The following COBLL1 variants were observed in gnomAD, a reference collection of about 807,000 sequenced individuals.
The protein encoded by COBLL1 is cordon-bleu protein-like 1.
Under a neutral mutation model 94.8 loss-of-function variants are expected in COBLL1, and 50 were observed. The observed-to-expected ratio is 0.53, with a 90% CI of 0.42 to 0.67. The LOEUF (loss-of-function observed/expected upper bound fraction) is 0.67. Ranked by LOEUF, COBLL1 falls within the 30% of genes least tolerant of loss-of-function variation. The pLI is 0.00. For synonymous variants in COBLL1, 448 were observed against 473.8 expected (o/e 0.95, Z 0.71); for missense variants, 1,362 against 1,348.7 (o/e 1.01, Z -0.15).
chr2:164,699,267 C>A, intron 11 of COBLL1, 138 bp downstream of exon 11: 1 of 641,540 alleles, frequency 1.6e-6, no homozygotes, highest in Non-Finnish European at 2.9e-6. Flanking sequence ...AATAATAGTA[C>A]CCATAATATC....
chr2:164,731,222 C>T (rs1259832449), intron 3 of COBLL1, among the ~76,000 whole-genome samples: 1 of 152,084 alleles, frequency 6.6e-6, no homozygotes, highest in Non-Finnish European at 1.5e-5. Flanking sequence ...TTTCCTGGCC[C>T]ATGATAGAAA....
intron 11 of COBLL1, chr2:164,697,849 C>T (rs907656188): frequency 1.3e-5 from 2 of 152,018 alleles, no homozygotes; most frequent in East Asian, 3.9e-4. Context: ...TTATAAATGG[C>T]TAGATCATTT....
In COBLL1 at chr2:164,682,642, A is replaced by G. The variant is rs1274904285; in HGVS notation, c.*3304T>C. 6.6e-6 allele frequency: 1 copy of G among 152,222 alleles called. No individual in the cohort carries two copies. Among genetic ancestry groups the G allele is most frequent in the East Asian group, 1.9e-4 (1 of 5,204 alleles). 9.4% of individuals were successfully genotyped at this position (152,222 alleles called of 1,614,324 possible). A position where few individuals can be genotyped will look rare whatever the true frequency, so the allele number is the denominator to read the frequency against. On this transcript the variant is annotated 3_prime_UTR_variant, in exon 14 of 14. Transcript: ENST00000652658. Reference sequence around the variant, plus strand: ...AAAGAATAGGGAGTATATTAGGCAAATAATACCTGTTCACTTATAGTATTG... The same window carrying G: ...AAAGAATAGGGAGTATATTAGGCAAGTAATACCTGTTCACTTATAGTATTG...
At position 164,694,572 on chromosome 2, in the gene COBLL1, A is replaced by G. The variant is rs1683800389; in HGVS notation, c.2820T>C (p.Gly940=). The change falls in exon 12 of 14, where the codon GGT becomes GGC. Residue 940 remains glycine, a synonymous_variant. Transcript: ENST00000652658. ...LVEKTDDDVI[G]QAPAEASPPP... Reference sequence around the variant, plus strand: ...GAGGGGAGGCTTCAGCAGGAGCCTGACCGATGACATCATCATCAGTTTTTT... The same window carrying G: ...GAGGGGAGGCTTCAGCAGGAGCCTGGCCGATGACATCATCATCAGTTTTTT... 1.2e-6 allele frequency: 2 copies of G among 1,613,838 alleles called. No homozygotes were observed. Among genetic ancestry groups the G allele is most frequent in the Non-Finnish European group, 1.7e-6 (2 of 1,179,960 alleles).
chr2:164,816,111 A>G (rs570838359), intron 2 of COBLL1, among the ~76,000 whole-genome samples: 31 of 152,028 alleles, frequency 2.0e-4, no homozygotes, highest in Non-Finnish European at 3.8e-4. Context: ...TTAAAGTATC[A>G]TGAAAGAAAA....
chr2:164,775,145 G>T (rs1021192538), intron 2 of COBLL1, among the ~76,000 whole-genome samples: 9 of 127,354 alleles, frequency 7.1e-5, no homozygotes, highest in African/African-American at 3.3e-4. Context: ...AACAGGAAGA[G>T]ACCCTGCCTC....
chr2:164,772,278 T>C (rs62173943), intron 2 of COBLL1, among the ~76,000 whole-genome samples: 19,412 of 152,004 alleles, frequency 0.13, 1,454 homozygotes, highest in Admixed American at 0.18. Flanking sequence ...ATAAAGTTTC[T>C]TTATCAGCAA....
intron 2 of COBLL1, among the ~76,000 whole-genome samples, chr2:164,768,675 A>T (rs77785873): frequency 6.6e-6 from 1 of 152,120 alleles, no homozygotes; most frequent in East Asian, 1.9e-4. Context: ...TTAGTAAATC[A>T]CTTGATAAAA....
Position 164,694,629 on chromosome 2 carries a change from T to G in COBLL1, c.2763A>C (p.Lys921Asn). The G allele has an allele frequency of 6.2e-7, 1 of 1,613,836 alleles. No individual in the cohort carries two copies. ...SPEQTLSPLS[K>N]MPHSVPQPLV... The stretch of plus-strand genomic sequence containing the variant: ...GGGGTTGTGGAACAGAGTGAGGCAT[T>G]TTACTTAAGGGAGAAAGAGTCTGCT... The change falls in exon 12 of 14, where the codon AAA becomes AAC. Residue 921 changes from lysine (K) to asparagine (N), a missense_variant. Transcript: ENST00000652658.
intron 2 of COBLL1, among the ~76,000 whole-genome samples, chr2:164,804,669 C>A (rs1168848143): frequency 1.3e-5 from 2 of 152,142 alleles, no homozygotes; most frequent in Non-Finnish European, 2.9e-5. Flanking sequence ...TCACTGTATT[C>A]AATGTACAGC....
At chr2:164,726,515 TA>T (rs977138799) in intron 5 of COBLL1, among the ~76,000 whole-genome samples, 1 of 152,010 alleles carries the variant, frequency 6.6e-6, no homozygotes, top group Non-Finnish European at 1.5e-5. Flanking sequence ...AAATAAATAA[TA>T]AAAAAATCAC....
rs777018942 is a variant in COBLL1 at position 164,722,134 on chromosome 2, T to C, written c.937A>G (p.Ile313Val). The change falls in exon 7 of 14, where the codon ATC becomes GTC. Residue 313 changes from isoleucine to valine, a missense_variant. Physicochemically the swap from Ile to Val is conservative, Grantham distance 29. Transcript: ENST00000652658. Reference protein sequence around the residue: ...SQSVPQDLAHIQERPASCIVK... With the variant: ...SQSVPQDLAHVQERPASCIVK... ...ATACAAGAAGCAGGCCTCTCCTGGA[T>C]GTGTGCAAGGTCTTGGGGGACACTC... The C allele has an allele frequency of 5.0e-6, 8 of 1,613,842 alleles. No homozygotes were observed. The highest frequency in any genetic ancestry group is 1.7e-5 in the Admixed American group (1 of 59,984).
chr2:164,754,191 T>C (rs1029171840), intron 2 of COBLL1, among the ~76,000 whole-genome samples: 7 of 152,216 alleles, frequency 4.6e-5, no homozygotes, highest in Non-Finnish European at 1.0e-4. Context: ...TTGGTAATTA[T>C]TGTATGCTGA....
chr2:164,749,104 A>G (rs1687006753), intron 2 of COBLL1, among the ~76,000 whole-genome samples: 1 of 152,148 alleles, frequency 6.6e-6, no homozygotes, highest in South Asian at 2.1e-4. Context: ...AAATAGATAA[A>G]AAGAGGAAAT....
At chr2:164,660,672 GGTT>G (rs1381153450) in intron 2 of COBLL1, among the ~76,000 whole-genome samples, 1 of 152,094 alleles carries the variant, frequency 6.6e-6, no homozygotes, top group Non-Finnish European at 1.5e-5. Context: ...TTTCCTAATT[GGTT>G]GTTGACTCAT....
At chr2:164,747,141 C>T (rs1334235906) in intron 2 of COBLL1, among the ~76,000 whole-genome samples, 1 of 151,924 alleles carries the variant, frequency 6.6e-6, no homozygotes, top group Non-Finnish European at 1.5e-5. Context: ...AGAGTCCTTA[C>T]CACCAAAAAA....
intron 2 of COBLL1, among the ~76,000 whole-genome samples, chr2:164,772,613 A>G (rs1688261706): frequency 6.6e-6 from 1 of 152,054 alleles, no homozygotes; most frequent in Non-Finnish European, 1.5e-5. Context: ...TTATACCACA[A>G]AACAATGTTA....
chr2:164,827,759 TAAATA>T (rs1454374235), intron 2 of COBLL1, among the ~76,000 whole-genome samples: 1 of 152,218 alleles, frequency 6.6e-6, no homozygotes, highest in Non-Finnish European at 1.5e-5. Flanking sequence ...ACCTGTTCTA[TAAATA>T]AAATAGCACT....
chr2:164,704,125 A>G (rs1201932970), intron 9 of COBLL1, among the ~76,000 whole-genome samples: 1 of 152,206 alleles, frequency 6.6e-6, no homozygotes, highest in Non-Finnish European at 1.5e-5. Context: ...ATTCCTAATT[A>G]CGGTGTGTCA....
Sources: allele counts gnomAD v4.1 joint callset (sites outside exome capture counted in the v4.1 genomes callset), GRCh38; gene constraint gnomAD v4.1.1; transcripts MANE v1.5; gene names NCBI Gene and HGNC (gene_info 2026-07-23, HGNC 2026-07-21).